CNTNAP4: variants seen among roughly 807,000 people sequenced by gnomAD.
CNTNAP4 encodes contactin-associated protein-like 4.
In CNTNAP4, 98 loss-of-function variants were observed where a neutral mutation model predicts 148.4. The ratio of observed to expected loss-of-function variants is 0.66; its 90% CI spans 0.56 to 0.78. CNTNAP4 has a LOEUF of 0.78. CNTNAP4 is among the 30% of genes least tolerant of loss of function. CNTNAP4 has a pLI of 0.00. For synonymous variants in CNTNAP4, 730 were observed against 565.1 expected, an observed-to-expected ratio of 1.29 and a Z score of -4.14; for missense variants, 1,935 against 1,565.6, an observed-to-expected ratio of 1.24 and a Z score of -3.98.
intron 1 of CNTNAP4, among the ~76,000 whole-genome samples, chr16:76,308,412 G>T (rs906237727): frequency 3.3e-5 from 5 of 152,116 alleles, no homozygotes; most frequent in African/African-American, 9.7e-5. Context: ...TAGGTGTATT[G>T]TCAGTTTTCC....
chr16:76,340,517 C>G (rs923694329), intron 2 of CNTNAP4, among the ~76,000 whole-genome samples: 1 of 152,146 alleles, frequency 6.6e-6, no homozygotes, highest in Non-Finnish European at 1.5e-5. Context: ...CCCTATCCCT[C>G]TCCAACATCT....
intron 3 of CNTNAP4, among the ~76,000 whole-genome samples, chr16:76,373,297 A>G (rs569625878): frequency 1.6e-4 from 25 of 152,158 alleles, no homozygotes; most frequent in African/African-American, 5.5e-4. Flanking sequence ...AATATGTGAA[A>G]TATATTCCAC....
At position 76,452,669 on chromosome 16, in the gene CNTNAP4, A is replaced by G. The variant is rs761576739; in HGVS notation, c.1233A>G (p.Glu411=). ...AGGCAGGGCTTCTGCTGTTCAGTGAACTTCAGCTGATTTCAGGGGGTATCC... is the reference window on the plus strand; with the variant it reads ...AGGCAGGGCTTCTGCTGTTCAGTGAGCTTCAGCTGATTTCAGGGGGTATCC... ...WNKAGLLLFS[E]LQLISGGILL... The change falls in exon 8 of 24, where the codon GAA becomes GAG. Residue 411 remains glutamate, a synonymous_variant. Transcript: ENST00000611870. The G allele has an allele frequency of 6.2e-7, 1 of 1,613,640 alleles. No individual in the cohort carries two copies. The highest frequency in any genetic ancestry group is 8.5e-7 in the Non-Finnish European group (1 of 1,179,816).
chr16:76,307,474 CTAAT>C (rs1017428182), intron 1 of CNTNAP4, among the ~76,000 whole-genome samples: 6 of 143,182 alleles, frequency 4.2e-5, no homozygotes, highest in African/African-American at 1.6e-4. Flanking sequence ...TTTTGATCCT[CTAAT>C]TCTCCTAGAT....
At chr16:76,346,016 C>G (rs1208770724) in intron 2 of CNTNAP4, among the ~76,000 whole-genome samples, 1 of 152,154 alleles carries the variant, frequency 6.6e-6, no homozygotes, top group Non-Finnish European at 1.5e-5. Context: ...CTGCCAGCCC[C>G]TTGATCTTGG....
chr16:76,395,336 G>T (rs1037003658), intron 3 of CNTNAP4, among the ~76,000 whole-genome samples: 1 of 151,528 alleles, frequency 6.6e-6, no homozygotes, highest in African/African-American at 2.4e-5. Flanking sequence ...CGCAATCTTG[G>T]CTCATTGCAA....
At chr16:76,525,514 G>T (rs1195420454) in intron 17 of CNTNAP4, among the ~76,000 whole-genome samples, 2 of 147,056 alleles carry the variant, frequency 1.4e-5, no homozygotes, top group Non-Finnish European at 3.0e-5. Context: ...ATAGTTTATA[G>T]TTACATAGTT....
chr16:76,401,918 T>C (rs2078431396), intron 3 of CNTNAP4, among the ~76,000 whole-genome samples: 1 of 152,226 alleles, frequency 6.6e-6, no homozygotes, highest in African/African-American at 2.4e-5. Flanking sequence ...GATTTGCTTT[T>C]TGAAGTGCTT....
At chr16:76,401,390 G>T (rs1441883432) in intron 3 of CNTNAP4, among the ~76,000 whole-genome samples, 2 of 152,132 alleles carry the variant, frequency 1.3e-5, no homozygotes, top group Admixed American at 1.3e-4. Context: ...TTTGGACATT[G>T]ATTTTGTATC....
chr16:76,542,814 C>T (rs978797930), intron 21 of CNTNAP4, among the ~76,000 whole-genome samples: 2 of 152,056 alleles, frequency 1.3e-5, no homozygotes, highest in African/African-American at 4.8e-5. Context: ...ACAGTAGATA[C>T]CATTAATGAG....
Position 76,553,295 on chromosome 16 carries a change from T to G in CNTNAP4, c.3455T>G (p.Val1152Gly). 2 of 1,597,386 alleles carry G rather than the reference T, an allele frequency of 1.3e-6. No individual in the cohort carries two copies. The highest frequency in any genetic ancestry group is 1.7e-6 in the Non-Finnish European group (2 of 1,166,504). ...VLGRILEHSD[V>G]DQDTALAGAQ... ...TTTGAATTTCTAGAACACAGTGATG[T>G]GGACCAGGATACTGCACTGGCAGGT... Residue 1152 changes from valine (V) to glycine (G), a missense_variant, in exon 22 of 24, where the codon GTG becomes GGG. Coordinates refer to ENST00000611870, the MANE Select transcript of CNTNAP4 (RefSeq NM_033401.5).
intron 3 of CNTNAP4, among the ~76,000 whole-genome samples, chr16:76,407,574 G>T (rs2078639030): frequency 6.6e-6 from 1 of 152,094 alleles, no homozygotes; most frequent in Non-Finnish European, 1.5e-5. Flanking sequence ...TGCGGATGTG[G>T]TGAAAATAGC....
intron 12 of CNTNAP4, among the ~76,000 whole-genome samples, chr16:76,482,009 A>T (rs202145324): frequency 6.7e-5 from 10 of 150,024 alleles, no homozygotes; most frequent in African/African-American, 2.2e-4. Context: ...TTATTTTTTT[A>T]TTTTTTTTTT....
At chr16:76,313,496 C>T (rs909586679) in intron 1 of CNTNAP4, among the ~76,000 whole-genome samples, 1 of 152,166 alleles carries the variant, frequency 6.6e-6, no homozygotes, top group Non-Finnish European at 1.5e-5. Flanking sequence ...TGGCAATAAT[C>T]AGAATTTCCT....
At chr16:76,315,599 G>A (rs894366827) in intron 1 of CNTNAP4, among the ~76,000 whole-genome samples, 1 of 152,046 alleles carries the variant, frequency 6.6e-6, no homozygotes, top group Admixed American at 6.5e-5. Context: ...TCTGTGCTGT[G>A]AAGTCTGTTT....
In CNTNAP4 at chr16:76,421,384, T is replaced by C. The variant is rs546475143; in HGVS notation, c.391-6068T>C. On this transcript the variant is annotated intron_variant, in intron 3 of 23. Transcript: ENST00000611870. ...TTCTAATTTGATTAGTGGATTCTCATTGCTATTTCTTTATTATAATAAATG... is the reference window on the plus strand; with the variant it reads ...TTCTAATTTGATTAGTGGATTCTCACTGCTATTTCTTTATTATAATAAATG... Among the ~76,000 whole-genome samples the C allele has an allele frequency of 3.9e-5, 6 of 152,226 alleles. No individual in the cohort carries two copies. The East Asian group carries it at 7.7e-4, about 20-fold the overall frequency.
chr16:76,353,856 G>C (rs181688387), intron 2 of CNTNAP4, among the ~76,000 whole-genome samples: 3 of 152,326 alleles, frequency 2.0e-5, no homozygotes, highest in East Asian at 3.9e-4. Context: ...TAAAGTACTT[G>C]TCAACACTGG....
At chr16:76,470,459 A>T (rs1309392993) in intron 10 of CNTNAP4, among the ~76,000 whole-genome samples, 2 of 142,148 alleles carry the variant, frequency 1.4e-5, no homozygotes, top group Non-Finnish European at 3.0e-5. Flanking sequence ...TGGCTAACAT[A>T]GCAAAACCAC....
intron 1 of CNTNAP4, among the ~76,000 whole-genome samples, chr16:76,279,374 C>G (rs966559572): frequency 6.6e-6 from 1 of 152,150 alleles, no homozygotes. Flanking sequence ...TTTATGTTTG[C>G]TTGTTTTCTT....
Sources: gnomAD v4.1 joint callset for allele counts (sites outside exome capture counted in the v4.1 genomes callset) on GRCh38, gnomAD v4.1.1 for gene constraint, MANE v1.5 for transcripts, NCBI Gene and HGNC (gene_info 2026-07-23, HGNC 2026-07-21) for gene names.